The following CEP97 variants were observed in gnomAD, a reference collection of about 807,000 sequenced individuals.
The protein encoded by CEP97 is centrosomal protein 97.
In CEP97, 43 loss-of-function variants were observed where a neutral mutation model predicts 73.1. The observed-to-expected ratio is 0.59, with a 90% CI of 0.46 to 0.76. The LOEUF is 0.76. CEP97 is among the 30% of genes least tolerant of loss of function. CEP97 has a pLI of 0.00. For synonymous variants in CEP97, 337 were observed against 370.0 expected, an observed-to-expected ratio of 0.91 and a Z score of 1.02; for missense variants, 939 against 1,014.0, an observed-to-expected ratio of 0.93 and a Z score of 1.00.
intron 2 of CEP97, 104 bp downstream of exon 2, chr3:101,726,840 T>C (rs895508328): frequency 5.2e-6 from 4 of 772,722 alleles, no homozygotes; most frequent in Non-Finnish European, 7.9e-6. Flanking sequence ...TAGCAAGCAG[T>C]CATTGTTGCC....
In CEP97 at chr3:101,769,472, C is replaced by G. The variant is rs544634294; in HGVS notation, c.*3921C>G. The G allele has an allele frequency of 6.6e-6, 1 of 151,896 alleles. No homozygotes were observed. The highest frequency in any genetic ancestry group is 2.4e-5 in the African/African-American group (1 of 41,410). 9.4% of individuals were successfully genotyped at this position (151,896 alleles called of 1,614,324 possible). A position where few individuals can be genotyped will look rare whatever the true frequency, so the allele number is the denominator to read the frequency against. On this transcript the variant is annotated 3_prime_UTR_variant, in exon 11 of 11. Transcript: ENST00000341893. ...GGATTACAGGTGTGCAACCACAAGG[C>G]TCGGCTAATTTTTTTGTATTTTTAG...
intron 6 of CEP97, among the ~76,000 whole-genome samples, chr3:101,745,706 G>A (rs1344925167): frequency 1.3e-5 from 2 of 150,352 alleles, no homozygotes; most frequent in African/African-American, 4.9e-5. Flanking sequence ...TTTTTTGTTG[G>A]AATATTTTAT....
Position 101,768,662 on chromosome 3 carries a change from C to T in CEP97, c.*3111C>T, listed in dbSNP as rs562366048. The T allele has an allele frequency of 2.6e-5, 4 of 152,148 alleles. No homozygotes were observed. In the South Asian group the frequency reaches 6.2e-4, roughly 24 times the overall value. The allele number at this position is 152,148 out of a possible 1,614,324, so 9.4% of individuals were successfully genotyped here. A position where few individuals can be genotyped will look rare whatever the true frequency, so the allele number is the denominator to read the frequency against. The stretch of plus-strand genomic sequence containing the variant: ...ACCAGCCTGGACAACATAGCAAGAC[C>T]CCCCTCTCTACAAAAAAAATTTTTT... On this transcript the variant is annotated 3_prime_UTR_variant, in exon 11 of 11. Transcript: ENST00000341893.
intron 6 of CEP97, among the ~76,000 whole-genome samples, chr3:101,753,306 T>TG (rs1232539912): frequency 2.0e-5 from 3 of 152,140 alleles, no homozygotes; most frequent in Admixed American, 6.5e-5. Flanking sequence ...CTGCCCCTAC[T>TG]GGGGGGTGCC....
chr3:101,748,925 C>A (rs1488294753), intron 6 of CEP97, among the ~76,000 whole-genome samples: 1 of 152,152 alleles, frequency 6.6e-6, no homozygotes, highest in African/African-American at 2.4e-5. Context: ...CAGGTGTGAG[C>A]CACTGCGCCC....
In CEP97 at chr3:101,741,709, G is replaced by A. The variant is rs532583961; in HGVS notation, c.728+9055G>A. Among the ~76,000 whole-genome samples, 550 of 152,260 alleles carry A rather than the reference G, an allele frequency of 3.6e-3. 1 individual carries two copies. Among genetic ancestry groups the A allele is most frequent in the African/African-American group, 0.012 (515 of 41,538 alleles). On this transcript the variant is annotated intron_variant, in intron 6 of 10. Coordinates refer to ENST00000341893, the MANE Select transcript of CEP97 (RefSeq NM_024548.4). ...GAAATGCAAATCAAAACCACAATGA[G>A]ATACCATCTCATGCCAGTTAGAATG...
chr3:101,730,368 C>T (rs550219029), intron 4 of CEP97, among the ~76,000 whole-genome samples: 58 of 152,040 alleles, frequency 3.8e-4, no homozygotes, highest in African/African-American at 1.3e-3. Flanking sequence ...CAGGTTCAAG[C>T]GATTCTCCTG....
At position 101,768,470 on chromosome 3, in the gene CEP97, C is replaced by G. The variant is rs908261204; in HGVS notation, c.*2919C>G. On this transcript the variant is annotated 3_prime_UTR_variant, in exon 11 of 11. Coordinates refer to ENST00000341893, the MANE Select transcript of CEP97 (RefSeq NM_024548.4). ...AGAAAATAACTAATTCCTTCAGAAC[C>G]CTGAGTGAATTTTTTCTAAGAAATG... The G allele has an allele frequency of 1.1e-4, 16 of 151,984 alleles. No homozygotes were observed. The highest frequency in any genetic ancestry group is 3.9e-4 in the African/African-American group (16 of 41,402). The allele number at this position is 151,984 out of a possible 1,614,324, so 9.4% of individuals were successfully genotyped here.
intron 6 of CEP97, among the ~76,000 whole-genome samples, chr3:101,753,901 C>T (rs911835842): frequency 2.0e-5 from 3 of 152,216 alleles, no homozygotes; most frequent in Non-Finnish European, 4.4e-5. Flanking sequence ...GCACGGTGCG[C>T]TGCACCCACT....
intron 6 of CEP97, among the ~76,000 whole-genome samples, chr3:101,738,011 CAAAAAAAA>C (rs770745532): frequency 2.3e-5 from 1 of 44,222 alleles, no homozygotes; most frequent in African/African-American, 9.9e-5. Flanking sequence ...AAATGGAAAG[CAAAAAAAA>C]AAAAAAAAAA....
intron 1 of CEP97, among the ~76,000 whole-genome samples, chr3:101,726,251 G>A (rs1484080352): frequency 1.3e-5 from 2 of 152,186 alleles, no homozygotes; most frequent in African/African-American, 2.4e-5. Flanking sequence ...GTGGATTGCA[G>A]TCAAAAGTTT....
intron 6 of CEP97, among the ~76,000 whole-genome samples, chr3:101,741,004 C>T (rs1329973423): frequency 3.3e-5 from 5 of 152,184 alleles, no homozygotes; most frequent in East Asian, 1.9e-4. Flanking sequence ...GGAAGTATCA[C>T]GCTACCTGAC....
intron 6 of CEP97, among the ~76,000 whole-genome samples, chr3:101,744,000 G>A (rs1168389488): frequency 2.4e-5 from 3 of 123,976 alleles, no homozygotes; most frequent in East Asian, 2.4e-4. Context: ...GTGAAACTCC[G>A]TCTCAAAAAA....
At chr3:101,734,269 G>A (rs1025113700) in intron 6 of CEP97, among the ~76,000 whole-genome samples, 6 of 152,204 alleles carry the variant, frequency 3.9e-5, no homozygotes, top group Non-Finnish European at 8.8e-5. Flanking sequence ...TGGAATGAGA[G>A]CTTTAGGGGA....
At chr3:101,755,334 T>G in intron 6 of CEP97, 96 bp from the exon 7 acceptor site, 1 of 1,039,688 alleles carries the variant, frequency 9.6e-7, no homozygotes, top group South Asian at 1.5e-5. Context: ...ACAATGGTGC[T>G]ATAAAGGTAA....
chr3:101,731,713 T>G, intron 4 of CEP97, 127 bp from the exon 5 acceptor site: 5 of 606,374 alleles, frequency 8.2e-6, no homozygotes, highest in Non-Finnish European at 8.8e-6. Flanking sequence ...GTCTTTGATT[T>G]GTGTGTGATG....
At chr3:101,736,301 G>A (rs551270222) in intron 6 of CEP97, among the ~76,000 whole-genome samples, 118 of 152,296 alleles carry the variant, frequency 7.7e-4, no homozygotes, top group African/African-American at 2.6e-3. Context: ...CCTGCCTCCC[G>A]GCTCTGTAAG....
intron 6 of CEP97, among the ~76,000 whole-genome samples, chr3:101,746,816 T>G (rs76537831): frequency 0.3 from 44,736 of 147,194 alleles, 6,382 homozygotes; most frequent in Non-Finnish European, 0.33. Context: ...TACAATGAAC[T>G]CAAACAAATT....
chr3:101,741,135 C>T (rs1474051853), intron 6 of CEP97, among the ~76,000 whole-genome samples: 1 of 152,220 alleles, frequency 6.6e-6, no homozygotes, highest in Non-Finnish European at 1.5e-5. Flanking sequence ...CTACAACCCT[C>T]TGATCTTTGA....
Sources: allele counts gnomAD v4.1 joint callset (sites outside exome capture counted in the v4.1 genomes callset), GRCh38; gene constraint gnomAD v4.1.1; transcripts MANE v1.5; gene names NCBI Gene and HGNC (gene_info 2026-07-23, HGNC 2026-07-21).